The following PRICKLE1 variants were observed in gnomAD, a reference collection of about 807,000 sequenced individuals.
PRICKLE1 encodes prickle-like protein 1.
A neutral mutation model predicts 70.2 loss-of-function variants in PRICKLE1; 14 were observed. The ratio of observed to expected loss-of-function variants is 0.20; its 90% CI spans 0.13 to 0.31. The LOEUF is 0.31. PRICKLE1 is among the 10% of genes least tolerant of loss of function. The pLI is 1.00. For missense variants in PRICKLE1, 821 were observed against 1,026.2 expected, an observed-to-expected ratio of 0.80 and a Z score of 2.73; for synonymous variants, 357 against 379.9, an observed-to-expected ratio of 0.94 and a Z score of 0.70.
intron 1 of PRICKLE1, among the ~76,000 whole-genome samples, chr12:42,531,815 A>G (rs1939922726): frequency 6.6e-6 from 1 of 152,208 alleles, no homozygotes; most frequent in African/African-American, 2.4e-5. Flanking sequence ...ATGAAGAGAA[A>G]GAGCATTATT....
At position 42,464,978 on chromosome 12, in the gene PRICKLE1, T is replaced by C; in HGVS notation, c.1056A>G (p.Leu352=). 1 of 1,614,114 alleles carries C rather than the reference T, an allele frequency of 6.2e-7. No homozygotes were observed. Among genetic ancestry groups the C allele is most frequent in the Non-Finnish European group, 8.5e-7 (1 of 1,180,014 alleles). The part of the protein sequence containing the change: ...SADQCRQSLL[L]SPALNYKFPG... The stretch of plus-strand genomic sequence containing the variant: ...GAAACTTGTAGTTCAGAGCAGGCGA[T>C]AAGAGGAGAGACTGTCTACACTGAT... Residue 352 remains leucine, a synonymous_variant, in exon 7 of 8, where the codon TTA becomes TTG. Coordinates refer to ENST00000345127, the MANE Select transcript of PRICKLE1 (RefSeq NM_153026.3). The surrounding 1 kb of genome is among the most constrained non-coding windows in gnomAD (Gnocchi z 4.2).
chr12:42,477,482 G>GTATATA (rs139988285), intron 1 of PRICKLE1, among the ~76,000 whole-genome samples: 3 of 116,382 alleles, frequency 2.6e-5, no homozygotes, highest in African/African-American at 9.4e-5. Flanking sequence ...GTGTGTGTGT[G>GTATATA]TATATATATA....
chr12:42,462,320 C>A (rs1203391162), intron 7 of PRICKLE1, among the ~76,000 whole-genome samples: 1 of 152,068 alleles, frequency 6.6e-6, no homozygotes, highest in East Asian at 1.9e-4. Flanking sequence ...CCTGCCTCAG[C>A]CTCCCGAGTA....
chr12:42,558,006 G>A (rs1182956663), intron 1 of PRICKLE1, among the ~76,000 whole-genome samples: 2 of 152,106 alleles, frequency 1.3e-5, no homozygotes, highest in Admixed American at 6.5e-5. Flanking sequence ...TTGGCACATC[G>A]GAGTGATGAC....
Position 42,464,444 on chromosome 12 carries a change from C to T in PRICKLE1, c.1590G>A (p.Glu530=). ...SLECLSDLKP[E]QSVRDSMDSL... ...AATCCATCGAATCCCGAACACTTTG[C>T]TCTGGTTTCAGGTCTGACAGACACT... The change falls in exon 7 of 8, where the codon GAG becomes GAA. Residue 530 remains glutamate, a synonymous_variant. Transcript: ENST00000345127. The surrounding 1 kb of genome is among the most constrained non-coding windows in gnomAD (Gnocchi z 4.2). The T allele has an allele frequency of 1.2e-6, 2 of 1,614,074 alleles. No homozygotes were observed. Among genetic ancestry groups the T allele is most frequent in the Non-Finnish European group, 1.7e-6 (2 of 1,180,022 alleles).
chr12:42,472,595 T>A (rs1835608468), intron 1 of PRICKLE1, 31 bp from the exon 2 acceptor site: 2 of 1,574,102 alleles, frequency 1.3e-6, no homozygotes, highest in Non-Finnish European at 1.7e-6. Flanking sequence ...AACAAAGACA[T>A]CTAAAACCTG....
chr12:42,544,838 A>T (rs1408710581), intron 1 of PRICKLE1, among the ~76,000 whole-genome samples: 2 of 152,174 alleles, frequency 1.3e-5, no homozygotes, highest in Non-Finnish European at 2.9e-5. Flanking sequence ...TTACCTCTAC[A>T]TTTCAAAATA....
In PRICKLE1 at chr12:42,466,453, A is replaced by G; in HGVS notation, c.589-73T>C. On this transcript the variant is annotated intron_variant, in intron 5 of 7. Transcript: ENST00000345127. ...ACTATTTTAAAGGCCAAGTAACTGC[A>G]TGTTTTCCGGGCAATGGACAGACAC... 3 of 1,380,962 alleles carry G rather than the reference A, an allele frequency of 2.2e-6. No homozygotes were observed. The South Asian group carries it at 3.5e-5, about 16-fold the overall frequency. 85.5% of individuals were successfully genotyped at this position (1,380,962 alleles called of 1,614,324 possible).
intron 1 of PRICKLE1, among the ~76,000 whole-genome samples, chr12:42,545,271 C>T (rs1940188403): frequency 6.6e-6 from 1 of 152,138 alleles, no homozygotes; most frequent in African/African-American, 2.4e-5. Context: ...CCTCAAAGTG[C>T]TGGGATTACA....
At chr12:42,484,018 A>T (rs1938916610) in intron 1 of PRICKLE1, 3 of 17,702 alleles carry the variant, frequency 1.7e-4, no homozygotes, top group Non-Finnish European at 3.4e-4. Context: ...CAGTAAAAAA[A>T]AAAAAAAAAA....
chr12:42,473,610 C>T (rs1938406727), intron 1 of PRICKLE1, among the ~76,000 whole-genome samples: 1 of 152,094 alleles, frequency 6.6e-6, no homozygotes, highest in Non-Finnish European at 1.5e-5. Context: ...CTTTTTTATA[C>T]CTGGGCCTTT....
intron 1 of PRICKLE1, among the ~76,000 whole-genome samples, chr12:42,502,237 C>CTA (rs60868590): frequency 5.2e-4 from 78 of 149,966 alleles, no homozygotes; most frequent in African/African-American, 1.8e-3. Context: ...ACATATACCT[C>CTA]TATATATATA....
At chr12:42,581,576 G>A (rs1160760353) in intron 1 of PRICKLE1, among the ~76,000 whole-genome samples, 2 of 151,728 alleles carry the variant, frequency 1.3e-5, no homozygotes, top group African/African-American at 2.4e-5. Flanking sequence ...GTGAAACCCC[G>A]TCTCCACTAA....
intron 4 of PRICKLE1, 87 bp downstream of exon 4, chr12:42,469,363 C>A: frequency 6.6e-7 from 1 of 1,521,414 alleles, no homozygotes; most frequent in Non-Finnish European, 9.1e-7. Flanking sequence ...AGGACCCACA[C>A]CTCTGCTAGT....
At chr12:42,525,731 TC>T (rs1184196338) in intron 1 of PRICKLE1, among the ~76,000 whole-genome samples, 1 of 151,522 alleles carries the variant, frequency 6.6e-6, no homozygotes, top group Non-Finnish European at 1.5e-5. Flanking sequence ...TTTTTTTTTT[TC>T]CCTACATCCT....
intron 1 of PRICKLE1, among the ~76,000 whole-genome samples, chr12:42,548,931 G>T (rs1940258385): frequency 6.6e-6 from 1 of 151,682 alleles, no homozygotes; most frequent in African/African-American, 2.4e-5. Context: ...GACCAGCCTG[G>T]CCAACGTGGT....
At chr12:42,588,998 C>T (rs1354489859) in intron 1 of PRICKLE1, among the ~76,000 whole-genome samples, 2 of 152,080 alleles carry the variant, frequency 1.3e-5, no homozygotes, top group South Asian at 2.1e-4. Context: ...GTTGATTCGC[C>T]TCTGCCAAAA....
chr12:42,544,798 T>C (rs1940177041), intron 1 of PRICKLE1, among the ~76,000 whole-genome samples: 1 of 152,218 alleles, frequency 6.6e-6, no homozygotes, highest in African/African-American at 2.4e-5. Context: ...GGCAATCACT[T>C]TTGTCTCTTT....
chr12:42,584,898 A>T (rs552975901), intron 1 of PRICKLE1, among the ~76,000 whole-genome samples: 1 of 152,210 alleles, frequency 6.6e-6, no homozygotes, highest in Non-Finnish European at 1.5e-5. Flanking sequence ...CGGAGACCCA[A>T]TGAGAAAAGG....
Sources: gnomAD v4.1 joint callset for allele counts (sites outside exome capture counted in the v4.1 genomes callset) on GRCh38, gnomAD v4.1.1 for gene constraint, Gnocchi (gnomAD v3.1) non-coding constraint, MANE v1.5 for transcripts, NCBI Gene and HGNC (gene_info 2026-07-23, HGNC 2026-07-21) for gene names.